The following HDAC9 variants were observed in gnomAD, a reference collection of about 807,000 sequenced individuals.
HDAC9 encodes the protein histone deacetylase 9.
In HDAC9, 41 loss-of-function variants were observed where a neutral mutation model predicts 139.4. The ratio of observed to expected loss-of-function variants is 0.29; its 90% CI spans 0.23 to 0.38. The LOEUF is 0.38. Ranked by LOEUF, HDAC9 falls within the 10% of genes least tolerant of loss-of-function variation. The pLI is 1.00. For synonymous variants in HDAC9, 517 were observed against 476.2 expected, an observed-to-expected ratio of 1.09 and a Z score of -1.12; for missense variants, 1,147 against 1,297.0, an observed-to-expected ratio of 0.88 and a Z score of 1.78.
chr7:18,744,397 T>C (rs1016056381), intron 13 of HDAC9, among the ~76,000 whole-genome samples: 5 of 152,330 alleles, frequency 3.3e-5, no homozygotes, highest in South Asian at 4.1e-4. Flanking sequence ...TCCAGGAGAA[T>C]GCCATGTCAT....
At chr7:18,405,040 ACT>A in intron 1 of HDAC9, among the ~76,000 whole-genome samples, 1 of 152,300 alleles carries the variant, frequency 6.6e-6, no homozygotes, top group Non-Finnish European at 1.5e-5. Flanking sequence ...AACATGTGCA[ACT>A]TTGGGCTGTG....
At chr7:18,608,133 A>G (rs1836039609) in intron 6 of HDAC9, among the ~76,000 whole-genome samples, 1 of 152,188 alleles carries the variant, frequency 6.6e-6, no homozygotes, top group African/African-American at 2.4e-5. Flanking sequence ...AAATGCATGC[A>G]TTTATATGTC....
intron 11 of HDAC9, among the ~76,000 whole-genome samples, chr7:18,658,165 A>G (rs186936235): frequency 1.0e-3 from 156 of 152,200 alleles, no homozygotes; most frequent in African/African-American, 3.7e-3. Context: ...TCAGCTCCCT[A>G]TCACTTCGAG....
At chr7:18,370,793 A>T (rs542044490) in intron 1 of HDAC9, among the ~76,000 whole-genome samples, 2 of 152,268 alleles carry the variant, frequency 1.3e-5, no homozygotes, top group South Asian at 4.1e-4. Context: ...AGTTGCTTAA[A>T]ACCTATAATG....
chr7:18,835,825 C>A, intron 20 of HDAC9, 75 bp from the exon 21 acceptor site: 1 of 1,082,828 alleles, frequency 9.2e-7, no homozygotes, highest in Non-Finnish European at 1.4e-6. Flanking sequence ...CTCCCATGTG[C>A]TTGTTTTCCT....
chr7:18,859,848 A>ATGTGTGTGTGTGTGTGTGTGTG lies in HDAC9; in HGVS notation c.2685-14629_2685-14628insGTGTGTGTGTGTGTGTGTGTGT, dbSNP rs1241299800. The stretch of plus-strand genomic sequence containing the variant: ...TATATATATATATATATATATATAT[A>ATGTGTGTGTGTGTGTGTGTGTG]TATATATATATGTGAGAGAATGAGA... On this transcript the variant is annotated intron_variant, in intron 21 of 25. Transcript: ENST00000686413. Among the ~76,000 whole-genome samples the ATGTGTGTGTGTGTGTGTGTGTG allele has an allele frequency of 2.1e-3, 259 of 122,294 alleles. 1 individual carries two copies. Among genetic ancestry groups the ATGTGTGTGTGTGTGTGTGTGTG allele is most frequent in the Middle Eastern group, 4.6e-3 (1 of 216 alleles). The allele number at this position is 122,294 out of a possible 152,430, so 80.2% of individuals were successfully genotyped here. A position where few individuals can be genotyped will look rare whatever the true frequency, so the allele number is the denominator to read the frequency against.
intron 22 of HDAC9, among the ~76,000 whole-genome samples, chr7:18,929,766 C>T (rs927040694): frequency 2.0e-5 from 3 of 151,942 alleles, no homozygotes; most frequent in Non-Finnish European, 2.9e-5. Context: ...ATGGTGAAAC[C>T]GCGTCTCTAC....
At chr7:18,510,217 A>T (rs1801069115) in intron 2 of HDAC9, among the ~76,000 whole-genome samples, 1 of 152,168 alleles carries the variant, frequency 6.6e-6, no homozygotes, top group South Asian at 2.1e-4. Flanking sequence ...TGCTTCAGTT[A>T]TTCTTAACGA....
intron 2 of HDAC9, chr7:18,517,593 T>C: frequency 6.6e-6 from 1 of 152,238 alleles, no homozygotes; most frequent in Non-Finnish European, 1.5e-5. Flanking sequence ...ATACCAACTT[T>C]GTTATTCTCT....
chr7:18,114,056 T>C (rs1400412903), intron 1 of HDAC9, among the ~76,000 whole-genome samples: 1 of 152,206 alleles, frequency 6.6e-6, no homozygotes, highest in Non-Finnish European at 1.5e-5. Flanking sequence ...CTCAAGACTT[T>C]GGAAAAATAA....
intron 22 of HDAC9, among the ~76,000 whole-genome samples, chr7:18,926,638 G>T (rs975438791): frequency 2.3e-4 from 35 of 152,136 alleles, no homozygotes; most frequent in African/African-American, 8.4e-4. Context: ...GGAGGGATGG[G>T]TGAATGGATG....
At chr7:18,164,076 T>G (rs1372395037) in intron 2 of HDAC9, among the ~76,000 whole-genome samples, 4 of 152,220 alleles carry the variant, frequency 2.6e-5, no homozygotes, top group African/African-American at 7.2e-5. Flanking sequence ...TTTCCTCGTG[T>G]ACTTTTTTCT....
At chr7:18,592,100 C>A (rs1481897324) in intron 5 of HDAC9, among the ~76,000 whole-genome samples, 1 of 151,642 alleles carries the variant, frequency 6.6e-6, no homozygotes, top group Non-Finnish European at 1.5e-5. Flanking sequence ...GAGGTCAGAG[C>A]TATTTTCAAA....
chr7:18,888,700 G>A (rs71524256), intron 22 of HDAC9, among the ~76,000 whole-genome samples: 1 of 151,862 alleles, frequency 6.6e-6, no homozygotes, highest in Non-Finnish European at 1.5e-5. Flanking sequence ...TCTTTACATG[G>A]TTAATGTAAC....
At chr7:18,425,655 A>G (rs1790050257) in intron 1 of HDAC9, among the ~76,000 whole-genome samples, 2 of 152,192 alleles carry the variant, frequency 1.3e-5, no homozygotes, top group East Asian at 1.9e-4. Context: ...GGAAGCAGAA[A>G]GTGCCATGTG....
At chr7:18,443,858 GTATAAACA>G (rs1312475198) in intron 1 of HDAC9, among the ~76,000 whole-genome samples, 1 of 150,434 alleles carries the variant, frequency 6.6e-6, no homozygotes, top group Non-Finnish European at 1.5e-5. Flanking sequence ...ATATACATTT[GTATAAACA>G]TATATACATT....
In HDAC9 at chr7:18,610,885, A is replaced by G. The variant is rs916130744; in HGVS notation, c.664+16856A>G. On this transcript the variant is annotated intron_variant, in intron 6 of 25. Transcript: ENST00000686413. ...CCCATGTACACATTGCACCTCCATA[A>G]TAATCAAGTTTATTCAGAAGCAGGA... is the stretch of plus-strand genomic sequence containing the variant. 2.6e-5 allele frequency among the ~76,000 whole-genome samples: 4 copies of G among 152,172 alleles called. No homozygotes were observed. In the East Asian group the frequency reaches 7.7e-4, roughly 29 times the overall value.
chr7:18,879,535 A>C (rs1214144503), intron 22 of HDAC9, among the ~76,000 whole-genome samples: 1 of 152,158 alleles, frequency 6.6e-6, no homozygotes, highest in Non-Finnish European at 1.5e-5. Flanking sequence ...GATCTTTGAC[A>C]AAACTGCCAG....
intron 1 of HDAC9, among the ~76,000 whole-genome samples, chr7:18,296,647 C>G (rs1798169252): frequency 6.6e-6 from 1 of 152,142 alleles, no homozygotes; most frequent in Non-Finnish European, 1.5e-5. Flanking sequence ...TTTAAAATGT[C>G]TATGCCTGTA....
Sources: allele counts gnomAD v4.1 joint callset (sites outside exome capture counted in the v4.1 genomes callset), GRCh38; gene constraint gnomAD v4.1.1; transcripts MANE v1.5; gene names NCBI Gene and HGNC (gene_info 2026-07-23, HGNC 2026-07-21).